Variants in PPP1R9A observed in about 807,000 individuals in gnomAD.
PPP1R9A encodes the protein neurabin-1.
In PPP1R9A, 59 loss-of-function variants were observed where a neutral mutation model predicts 141.9. That is an observed-to-expected ratio of 0.42 (90% CI 0.34 to 0.52). The LOEUF is 0.52. Ranked by LOEUF, PPP1R9A falls within the 20% of genes least tolerant of loss-of-function variation. The probability of loss-of-function intolerance (pLI) is 0.10; values close to 1 mark genes in which losing one functional copy is unlikely to be tolerated. For missense variants in PPP1R9A, 1,444 were observed against 1,611.9 expected, an observed-to-expected ratio of 0.90 and a Z score of 1.78; for synonymous variants, 500 against 569.7, an observed-to-expected ratio of 0.88 and a Z score of 1.74.
rs1804802108 is a variant in PPP1R9A, at chr7:95,284,065, C to G, written c.3344C>G (p.Thr1115Arg). Reference protein sequence around the residue: ...LENWTPKPCSTAQTSTRSPCM... With the variant: ...LENWTPKPCSRAQTSTRSPCM... ...AACTGGACACCCAAGCCATGTTCAA[C>G]AGCTCAGACCTCCACTCGTTCCCCT... Residue 1115 changes from threonine (T) to arginine (R), a missense_variant, in exon 17 of 20, where the codon ACA (threonine) becomes AGA (arginine). By Grantham distance (71) the Thr-to-Arg change is moderately conservative. Transcript: ENST00000433360. The G allele has an allele frequency of 6.3e-7, 1 of 1,597,982 alleles. No individual in the cohort carries two copies. Among genetic ancestry groups the G allele is most frequent in the African/African-American group, 1.3e-5 (1 of 74,872 alleles).
intron 2 of PPP1R9A, among the ~76,000 whole-genome samples, chr7:94,956,880 C>T (rs10261753): frequency 6.6e-6 from 1 of 151,936 alleles, no homozygotes; most frequent in Non-Finnish European, 1.5e-5. Context: ...GTTTGGATTC[C>T]GAATTTTCAT....
chr7:95,184,519 T>G (rs1408700128), intron 5 of PPP1R9A, among the ~76,000 whole-genome samples: 2 of 152,174 alleles, frequency 1.3e-5, no homozygotes, highest in Non-Finnish European at 2.9e-5. Flanking sequence ...TTTGGTTGCA[T>G]GAAAAAGTTC....
chr7:95,129,356 G>A (rs1824159212), intron 4 of PPP1R9A, among the ~76,000 whole-genome samples: 1 of 152,158 alleles, frequency 6.6e-6, no homozygotes, highest in African/African-American at 2.4e-5. Context: ...CTCTGCACAA[G>A]CTCTTCTCTT....
chr7:95,068,894 A>T (rs981861983), intron 2 of PPP1R9A, among the ~76,000 whole-genome samples: 4 of 152,150 alleles, frequency 2.6e-5, no homozygotes, highest in Non-Finnish European at 5.9e-5. Context: ...AAGACAAGGG[A>T]ATTACAATAG....
chr7:95,206,764 T>C (rs1293127163), intron 7 of PPP1R9A, among the ~76,000 whole-genome samples: 2 of 152,228 alleles, frequency 1.3e-5, no homozygotes, highest in Admixed American at 1.3e-4. Context: ...CTCATCATAA[T>C]GTCATAATTA....
chr7:95,044,769 C>G (rs1018094582), intron 2 of PPP1R9A, among the ~76,000 whole-genome samples: 2 of 149,856 alleles, frequency 1.3e-5, no homozygotes, highest in East Asian at 3.9e-4. Flanking sequence ...GGAGGTGTCT[C>G]ACTGTGTGGT....
intron 19 of PPP1R9A, among the ~76,000 whole-genome samples, chr7:95,289,594 T>G (rs560971451): frequency 6.6e-6 from 1 of 152,222 alleles, no homozygotes; most frequent in Non-Finnish European, 1.5e-5. Flanking sequence ...AGGGAAAGAA[T>G]GGCTAGTCAT....
intron 7 of PPP1R9A, among the ~76,000 whole-genome samples, chr7:95,225,042 G>C (rs1794955962): frequency 6.6e-6 from 1 of 152,068 alleles, no homozygotes. Flanking sequence ...GCCAGGAGAG[G>C]ATCTACTTTC....
intron 5 of PPP1R9A, among the ~76,000 whole-genome samples, chr7:95,168,179 T>G (rs1168078170): frequency 1.3e-5 from 2 of 152,098 alleles, no homozygotes; most frequent in Non-Finnish European, 2.9e-5. Flanking sequence ...AGCAAGATAT[T>G]GGTATAAAAA....
At position 94,923,258 on chromosome 7, in the gene PPP1R9A, T is replaced by G. The variant is rs148866412; in HGVS notation, c.1395+11750T>G. 3.1e-3 allele frequency among the ~76,000 whole-genome samples: 474 copies of G among 152,328 alleles called. 2 individuals are homozygous for G. Among genetic ancestry groups the G allele is most frequent in the African/African-American group, 0.011 (466 of 41,580 alleles). Reference sequence around the variant, plus strand: ...TGTATATGATATTCTAATGTGTTACTTAAAATATGCTTTCAAACACTGGGT... The same window carrying G: ...TGTATATGATATTCTAATGTGTTACGTAAAATATGCTTTCAAACACTGGGT... On this transcript the variant is annotated intron_variant, in intron 2 of 19. Coordinates refer to ENST00000433360, the MANE Select transcript of PPP1R9A (RefSeq NM_001166160.2).
At chr7:95,195,758 A>G (rs1836177054) in intron 5 of PPP1R9A, among the ~76,000 whole-genome samples, 1 of 152,116 alleles carries the variant, frequency 6.6e-6, no homozygotes, top group Non-Finnish European at 1.5e-5. Flanking sequence ...ATGTGTCAAG[A>G]ATATATAAAG....
rs911174215 is a variant in PPP1R9A at position 95,276,240 on chromosome 7, C to A, written c.3296+2072C>A. Reference sequence around the variant, plus strand: ...CACCTGAGAGGGATGTGAGCACCTGCAGCCAGAAAGGGGGAGGGTGTTTGA... The same window carrying A: ...CACCTGAGAGGGATGTGAGCACCTGAAGCCAGAAAGGGGGAGGGTGTTTGA... On this transcript the variant is annotated intron_variant, in intron 16 of 19. Coordinates refer to ENST00000433360, the MANE Select transcript of PPP1R9A (RefSeq NM_001166160.2). 5.7e-4 allele frequency among the ~76,000 whole-genome samples: 86 copies of A among 152,160 alleles called. 2 individuals are homozygous for A. Among genetic ancestry groups the A allele is most frequent in the Admixed American group, 1.0e-3 (16 of 15,278 alleles).
At chr7:95,256,790 G>A (rs12540693) in intron 12 of PPP1R9A, among the ~76,000 whole-genome samples, 20,338 of 151,958 alleles carry the variant, frequency 0.13, 1,502 homozygotes, top group African/African-American at 0.17. Context: ...GATTTAAGAA[G>A]CATCAGACAT....
chr7:95,127,353 T>C (rs1823736220), intron 4 of PPP1R9A, among the ~76,000 whole-genome samples: 1 of 152,178 alleles, frequency 6.6e-6, no homozygotes, highest in African/African-American at 2.4e-5. Flanking sequence ...AAGAACTATG[T>C]AGAATCAGTA....
At chr7:95,095,768 T>C (rs989442409) in intron 2 of PPP1R9A, among the ~76,000 whole-genome samples, 1 of 152,224 alleles carries the variant, frequency 6.6e-6, no homozygotes, top group Non-Finnish European at 1.5e-5. Flanking sequence ...TTTGTGAGTC[T>C]AATCTTAGGT....
chr7:94,973,905 C>G (rs1466450224), intron 2 of PPP1R9A, among the ~76,000 whole-genome samples: 13 of 151,920 alleles, frequency 8.6e-5, no homozygotes, highest in African/African-American at 2.9e-4. Context: ...TTCGTAGAGA[C>G]AGGGTCTCAT....
intron 2 of PPP1R9A, among the ~76,000 whole-genome samples, chr7:95,100,418 A>G (rs1031901580): frequency 1.6e-4 from 25 of 152,220 alleles, no homozygotes; most frequent in Non-Finnish European, 1.3e-4. Flanking sequence ...TTTACTCCAA[A>G]TAATATAAGA....
chr7:95,133,764 T>G (rs1167428489), intron 4 of PPP1R9A, among the ~76,000 whole-genome samples: 1 of 152,050 alleles, frequency 6.6e-6, no homozygotes. Flanking sequence ...TGGCATGATC[T>G]TGGCTCACTG....
chr7:95,155,742 A>G (rs1426053090), intron 4 of PPP1R9A: 1 of 152,240 alleles, frequency 6.6e-6, no homozygotes, highest in Non-Finnish European at 1.5e-5. Flanking sequence ...TGAGATTATA[A>G]ATACAGTTCA....
Sources: allele counts gnomAD v4.1 joint callset (sites outside exome capture counted in the v4.1 genomes callset), GRCh38; gene constraint gnomAD v4.1.1; transcripts MANE v1.5; gene names NCBI Gene and HGNC (gene_info 2026-07-23, HGNC 2026-07-21).